The following SPRED2 variants were observed in gnomAD, a reference collection of about 807,000 sequenced individuals.
SPRED2 encodes sprouty related EVH1 domain containing 2, also known as sprouty-related, EVH1 domain-containing protein 2.
A neutral mutation model predicts 43.0 loss-of-function variants in SPRED2; 47 were observed. That is an observed-to-expected ratio of 1.09 (90% CI 0.87 to 1.40). SPRED2 has a LOEUF of 1.40. Among genes scored for constraint, SPRED2 ranks in the 40% most tolerant of loss-of-function variants. The pLI, the probability that SPRED2 is intolerant of heterozygous loss-of-function variation, is 0.00. For missense variants in SPRED2, 561 were observed against 586.4 expected (o/e 0.96, Z 0.45); for synonymous variants, 225 against 225.7 (o/e 1.00, Z 0.03).
intron 1 of SPRED2, among the ~76,000 whole-genome samples, chr2:65,360,089 C>CCA (rs1674764977): frequency 4.6e-5 from 2 of 43,162 alleles, no homozygotes; most frequent in African/African-American, 1.1e-4. Context: ...CAAAAAAAAA[C>CCA]AAAAAAAAAA....
intron 1 of SPRED2, among the ~76,000 whole-genome samples, chr2:65,377,211 C>A (rs545942509): frequency 6.6e-6 from 1 of 152,144 alleles, no homozygotes; most frequent in African/African-American, 2.4e-5. Flanking sequence ...TATTAAGATG[C>A]TTGTTTACTG....
chr2:65,391,195 TACACACACACACAC>T lies in SPRED2; in HGVS notation c.26+40753_26+40766del, dbSNP rs70943648. ...ATGGGCACAACCTCACCTTAATGTG[TACACACACACACAC>T]ACACACACACACACACACACGAATC... On this transcript the variant is annotated intron_variant, in intron 1 of 5. Transcript: ENST00000356388. Among the ~76,000 whole-genome samples, 4 of 145,556 alleles carry T rather than the reference TACACACACACACAC, an allele frequency of 2.7e-5. 1 individual carries two copies. Among genetic ancestry groups the T allele is most frequent in the East Asian group, 4.0e-4 (2 of 5,030 alleles).
At chr2:65,326,964 C>T (rs1208815363) in intron 4 of SPRED2, among the ~76,000 whole-genome samples, 1 of 151,518 alleles carries the variant, frequency 6.6e-6, no homozygotes, top group Non-Finnish European at 1.5e-5. Context: ...CCTCAGCCTC[C>T]CAAGTAGCTG....
At chr2:65,346,976 C>G (rs964677811) in intron 1 of SPRED2, among the ~76,000 whole-genome samples, 10 of 152,196 alleles carry the variant, frequency 6.6e-5, no homozygotes, top group African/African-American at 2.2e-4. Flanking sequence ...CTGTTTCCTT[C>G]CAATGCCCTT....
At chr2:65,334,989 C>A (rs1057415184) in intron 2 of SPRED2, among the ~76,000 whole-genome samples, 2 of 152,224 alleles carry the variant, frequency 1.3e-5, no homozygotes, top group African/African-American at 4.8e-5. Flanking sequence ...GGTTGTACCC[C>A]TTCACTACAC....
intron 1 of SPRED2, among the ~76,000 whole-genome samples, chr2:65,386,684 A>G (rs1010091393): frequency 1.3e-5 from 2 of 152,220 alleles, no homozygotes; most frequent in African/African-American, 4.8e-5. Flanking sequence ...AGATCAAGTA[A>G]AGCTCGGACT....
chr2:65,337,585 T>C (rs1306861977), intron 2 of SPRED2, among the ~76,000 whole-genome samples: 1 of 152,246 alleles, frequency 6.6e-6, no homozygotes, highest in Non-Finnish European at 1.5e-5. Context: ...CTTCTTTACA[T>C]ATACACAGGT....
chr2:65,312,627 T>C lies in SPRED2; in HGVS notation c.*874A>G, dbSNP rs1414269406. 1 of 985,846 alleles carries C rather than the reference T, an allele frequency of 1.0e-6. No homozygotes were observed. Among genetic ancestry groups the C allele is most frequent in the Non-Finnish European group, 1.2e-6 (1 of 829,900 alleles). 61.1% of individuals were successfully genotyped at this position (985,846 alleles called of 1,614,324 possible). A position where few individuals can be genotyped will look rare whatever the true frequency, so the allele number is the denominator to read the frequency against. ...TCTAATATTGCTAAATTTTTAGAAGTGGTGGCAACACAATTTAAAAAATGT... is the reference window on the plus strand; with the variant it reads ...TCTAATATTGCTAAATTTTTAGAAGCGGTGGCAACACAATTTAAAAAATGT... On this transcript the variant is annotated 3_prime_UTR_variant, in exon 6 of 6. Coordinates refer to ENST00000356388, the MANE Select transcript of SPRED2 (RefSeq NM_181784.3).
chr2:65,427,181 C>G (rs372332316), intron 1 of SPRED2, among the ~76,000 whole-genome samples: 5 of 152,180 alleles, frequency 3.3e-5, no homozygotes, highest in African/African-American at 1.2e-4. Context: ...AAGCCATCCT[C>G]TCCCCTCAGC....
In SPRED2 at chr2:65,324,874, T is replaced by A. The variant is rs1436539796; in HGVS notation, c.438+7113A>T. Among the ~76,000 whole-genome samples, 6 of 152,226 alleles carry A rather than the reference T, an allele frequency of 3.9e-5. No individual in the cohort carries two copies. The East Asian group carries it at 1.2e-3, about 29-fold the overall frequency. On this transcript the variant is annotated intron_variant, in intron 4 of 5. Coordinates refer to ENST00000356388, the MANE Select transcript of SPRED2 (RefSeq NM_181784.3). The stretch of plus-strand genomic sequence containing the variant: ...CAACGTTCACATTTCGCAGGTCTTT[T>A]CAGTACTATGCGCATCCCTTCAAGT...
intron 2 of SPRED2, among the ~76,000 whole-genome samples, chr2:65,342,634 G>A (rs967709266): frequency 1.3e-5 from 2 of 152,140 alleles, no homozygotes; most frequent in East Asian, 1.9e-4. Flanking sequence ...TCACATAGGT[G>A]TATTCCTAAC....
chr2:65,383,181 C>T (rs1168636478), intron 1 of SPRED2, among the ~76,000 whole-genome samples: 1 of 152,198 alleles, frequency 6.6e-6, no homozygotes, highest in Non-Finnish European at 1.5e-5. Context: ...GGCAGGTGGA[C>T]CGGGCCGATG....
At chr2:65,335,375 A>G (rs1296750366) in intron 2 of SPRED2, among the ~76,000 whole-genome samples, 1 of 152,130 alleles carries the variant, frequency 6.6e-6, no homozygotes, top group African/African-American at 2.4e-5. Context: ...CTGGGTCTCT[A>G]TTAACTTTAT....
At chr2:65,418,391 CAT>C (rs1676338150) in intron 1 of SPRED2, among the ~76,000 whole-genome samples, 1 of 152,162 alleles carries the variant, frequency 6.6e-6, no homozygotes. Flanking sequence ...AACCTTTGGA[CAT>C]GAGATGTCTC....
At chr2:65,377,683 T>C (rs745550049) in intron 1 of SPRED2, 11 of 471,256 alleles carry the variant, frequency 2.3e-5, no homozygotes, top group African/African-American at 2.2e-4. Flanking sequence ...CATAGAGCCA[T>C]CTGCACACCA....
intron 1 of SPRED2, among the ~76,000 whole-genome samples, chr2:65,418,823 G>C (rs1022185692): frequency 2.0e-5 from 3 of 151,896 alleles, no homozygotes; most frequent in Non-Finnish European, 4.4e-5. Flanking sequence ...CCAAAGTGCT[G>C]GGATTACAGG....
chr2:65,414,573 C>A (rs755791448), intron 1 of SPRED2, among the ~76,000 whole-genome samples: 4 of 152,196 alleles, frequency 2.6e-5, no homozygotes, highest in Non-Finnish European at 5.9e-5. Context: ...TCCCACCACC[C>A]ACAACTAAGA....
chr2:65,349,402 C>A (rs1247790024), intron 1 of SPRED2, among the ~76,000 whole-genome samples: 1 of 151,784 alleles, frequency 6.6e-6, no homozygotes, highest in African/African-American at 2.4e-5. Flanking sequence ...CACTCCAACC[C>A]CATTTATTTA....
chr2:65,391,228 AC>A (rs1170714973), intron 1 of SPRED2, among the ~76,000 whole-genome samples: 36 of 149,896 alleles, frequency 2.4e-4, no homozygotes, highest in East Asian at 1.2e-3. Flanking sequence ...ACACACACAC[AC>A]GAATCATTAA....
Sources: gnomAD v4.1 joint callset for allele counts (sites outside exome capture counted in the v4.1 genomes callset) on GRCh38, gnomAD v4.1.1 for gene constraint, MANE v1.5 for transcripts, NCBI Gene and HGNC (gene_info 2026-07-23, HGNC 2026-07-21) for gene names.